ZNF746: variants seen among roughly 807,000 people sequenced by gnomAD.
The protein encoded by ZNF746 is parkin-interacting substrate.
A neutral mutation model predicts 41.0 loss-of-function variants in ZNF746; 13 were observed. The observed-to-expected ratio is 0.32, with a 90% CI of 0.21 to 0.50. The LOEUF is 0.50. Ranked by LOEUF, ZNF746 falls within the 20% of genes least tolerant of loss-of-function variation. ZNF746 has a pLI of 0.98. For missense variants in ZNF746, 811 were observed against 922.9 expected, an observed-to-expected ratio of 0.88 and a Z score of 1.57; for synonymous variants, 424 against 396.2, an observed-to-expected ratio of 1.07 and a Z score of -0.83.
At chr7:149,476,661 A>C (rs10266573) in intron 6 of ZNF746, among the ~76,000 whole-genome samples, 103,675 of 152,014 alleles carry the variant, frequency 0.68, 36,018 homozygotes, top group East Asian at 0.8. Context: ...TTCAAGAGAT[A>C]GGCTTGTTAG....
At chr7:149,477,472 GCCCACAGCTCCCCCAT>G in intron 5 of ZNF746, 76 bp downstream of exon 5, 1 of 1,394,750 alleles carries the variant, frequency 7.2e-7, no homozygotes, top group Non-Finnish European at 9.8e-7. Flanking sequence ...AGTGTTGAGG[GCCCACAGCTCCCCCAT>G]GCTGCCACGA....
At chr7:149,483,613 A>T (rs559490870) in intron 4 of ZNF746, among the ~76,000 whole-genome samples, 31 of 147,302 alleles carry the variant, frequency 2.1e-4, no homozygotes, top group Non-Finnish European at 3.0e-4. Flanking sequence ...GTAAAAAAAT[A>T]AAAAAAAAAA....
rs1800226155 is a variant in ZNF746, at chr7:149,474,762, G to A, written c.1605C>T (p.Phe535=). The A allele has an allele frequency of 1.3e-6, 2 of 1,585,492 alleles. No individual in the cohort carries two copies. Among genetic ancestry groups the A allele is most frequent in the South Asian group, 1.1e-5 (1 of 88,422 alleles). The part of the protein sequence containing the change: ...ALRCGECGRC[F]TRPAHLIRHR... ...GGCGGATGAGGTGCGCGGGGCGCGTGAAGCAACGGCCGCACTCCCCACACC... is the reference window on the plus strand; with the variant it reads ...GGCGGATGAGGTGCGCGGGGCGCGTAAAGCAACGGCCGCACTCCCCACACC... The change falls in exon 7 of 7, where the codon TTC becomes TTT. Residue 535 remains phenylalanine (F), a synonymous_variant. Transcript: ENST00000458143. The surrounding 1 kb of genome is among the most constrained non-coding windows in gnomAD (Gnocchi z 6.3).
At chr7:149,496,128 A>G (rs1041350625) in intron 1 of ZNF746, among the ~76,000 whole-genome samples, 2 of 152,128 alleles carry the variant, frequency 1.3e-5, no homozygotes, top group African/African-American at 4.8e-5. Flanking sequence ...AATCCTACCC[A>G]TCCTCCACGT....
chr7:149,494,576 G>C lies in ZNF746; in HGVS notation c.25-73C>G, dbSNP rs1220108877. On this transcript the variant is annotated intron_variant, in intron 1 of 6. Coordinates refer to ENST00000458143, the MANE Select transcript of ZNF746 (RefSeq NM_001394198.1). This position sits in a 1 kb window ranked among gnomAD's most constrained non-coding sequence, Gnocchi z 5.6. Reference sequence around the variant, plus strand: ...CTTCATTGAGCCCCTCTCTCCCTAGGCACGGGGGAGTTGGGCTGGGAGTCC... The same window carrying C: ...CTTCATTGAGCCCCTCTCTCCCTAGCCACGGGGGAGTTGGGCTGGGAGTCC... The C allele has an allele frequency of 1.9e-6, 3 of 1,565,076 alleles. No homozygotes were observed. Among genetic ancestry groups the C allele is most frequent in the African/African-American group, 1.4e-5 (1 of 73,830 alleles).
At position 149,475,121 on chromosome 7, in the gene ZNF746, G is replaced by A; in HGVS notation, c.1246C>T (p.Leu416Phe). 9.9e-6 allele frequency: 16 copies of A among 1,611,522 alleles called. No homozygotes were observed. The highest frequency in any genetic ancestry group is 1.3e-5 in the Non-Finnish European group (15 of 1,179,496). Residue 416 changes from leucine (L) to phenylalanine (F), a missense_variant, in exon 7 of 7, where the codon CTT (leucine) becomes TTT (phenylalanine). By Grantham distance (22) the Leu-to-Phe change is conservative. Transcript: ENST00000458143. ...CCGTTGTCCGGGGAGGAGTAAGGAA[G>A]CCCCTCGGGCCCCGTCCTCGGGTTC... ...GLNPRTGPEG[L>F]PYSSPDNGEA...
chr7:149,491,893 T>C (rs1403148393), intron 4 of ZNF746: 4 of 701,384 alleles, frequency 5.7e-6, no homozygotes, highest in Non-Finnish European at 1.0e-5. Context: ...TGTGTCCACC[T>C]GTCCTTCCCT....
intron 4 of ZNF746, among the ~76,000 whole-genome samples, chr7:149,482,855 T>C (rs1800521583): frequency 1.3e-5 from 2 of 152,214 alleles, no homozygotes; most frequent in Admixed American, 1.3e-4. Flanking sequence ...AAATCCATCT[T>C]TACAGTAGGG....
chr7:149,478,395 C>G (rs1800382857), intron 4 of ZNF746, among the ~76,000 whole-genome samples: 1 of 152,200 alleles, frequency 6.6e-6, no homozygotes, highest in Admixed American at 6.5e-5. Flanking sequence ...CAGGAAGCAG[C>G]CTACTTGTCC....
At chr7:149,486,260 A>G (rs903474854) in intron 4 of ZNF746, among the ~76,000 whole-genome samples, 1 of 152,136 alleles carries the variant, frequency 6.6e-6, no homozygotes, top group African/African-American at 2.4e-5. Flanking sequence ...TGGAACCCCC[A>G]GGCCCTCCTG....
chr7:149,481,045 A>G lies in ZNF746; in HGVS notation c.566-3290T>C, dbSNP rs908255347. 7.9e-5 allele frequency among the ~76,000 whole-genome samples: 12 copies of G among 152,356 alleles called. No homozygotes were observed. The South Asian group carries it at 1.2e-3, about 16-fold the overall frequency. On this transcript the variant is annotated intron_variant, in intron 4 of 6. Coordinates refer to ENST00000458143, the MANE Select transcript of ZNF746 (RefSeq NM_001394198.1). ...ATCCACATCTAGACACATTGTATTA[A>G]AACTGCAGATCACCCAAGAGACCTA...
In ZNF746 at chr7:149,475,256, T is replaced by C. The variant is rs1428468889; in HGVS notation, c.1111A>G (p.Met371Val). Residue 371 changes from methionine to valine, a missense_variant, in exon 7 of 7, where the codon ATG (methionine) becomes GTG (valine). Met to Val is a conservative substitution (Grantham distance 21). Coordinates refer to ENST00000458143, the MANE Select transcript of ZNF746 (RefSeq NM_001394198.1). ...GCCACAGCAGGACTGAGCTCACCCATGTCCCTCTCAGGCCGGGCGGGCTCT... is the reference window on the plus strand; with the variant it reads ...GCCACAGCAGGACTGAGCTCACCCACGTCCCTCTCAGGCCGGGCGGGCTCT... ...LREPARPERDMGELSPAVAQE... is the reference protein window; with the variant it reads ...LREPARPERDVGELSPAVAQE... 3 of 1,613,088 alleles carry C rather than the reference T, an allele frequency of 1.9e-6. No homozygotes were observed. Among genetic ancestry groups the C allele is most frequent in the African/African-American group, 2.7e-5 (2 of 74,876 alleles).
At chr7:149,475,794 G>A (rs1800280480) in intron 6 of ZNF746, among the ~76,000 whole-genome samples, 1 of 152,174 alleles carries the variant, frequency 6.6e-6, no homozygotes, top group East Asian at 1.9e-4. Flanking sequence ...ACTGCTGCAG[G>A]CACTGTGCCC....
In ZNF746 at chr7:149,473,878, C is replaced by T. The variant is rs1800183932; in HGVS notation, c.*506G>A. 6.0e-6 allele frequency: 1 copy of T among 166,544 alleles called. No individual in the cohort carries two copies. Among genetic ancestry groups the T allele is most frequent in the African/African-American group, 2.4e-5 (1 of 41,518 alleles). 10.3% of individuals were successfully genotyped at this position (166,544 alleles called of 1,614,324 possible). On this transcript the variant is annotated 3_prime_UTR_variant, in exon 7 of 7. Transcript: ENST00000458143. ...GTGTGCTCCAAGGGACCCAATGGCCCTCACTGCCCAGGGGCTTGGTGCGCT... is the reference window on the plus strand; with the variant it reads ...GTGTGCTCCAAGGGACCCAATGGCCTTCACTGCCCAGGGGCTTGGTGCGCT...
At chr7:149,495,580 G>T (rs767324221) in intron 1 of ZNF746, among the ~76,000 whole-genome samples, 2 of 152,218 alleles carry the variant, frequency 1.3e-5, no homozygotes, top group Non-Finnish European at 2.9e-5. Context: ...ATCGGGACCT[G>T]AGGATCAACG....
Position 149,494,447 on chromosome 7 carries a change from C to A in ZNF746, c.81G>T (p.Ser27=), listed in dbSNP as rs1411295324. The change falls in exon 2 of 7, where the codon TCG becomes TCT. Residue 27 remains serine, a synonymous_variant. Coordinates refer to ENST00000458143, the MANE Select transcript of ZNF746 (RefSeq NM_001394198.1). This position sits in a 1 kb window ranked among gnomAD's most constrained non-coding sequence, Gnocchi z 5.6. ...CTAGGGAAAGCAGGCGAGCAGCCTG[C>A]GATTCAATCTTCCTCTCCATGGCCT... ...TIQAMERKIE[S]QAARLLSLEG... is the part of the protein sequence containing the mutation. 2.5e-6 allele frequency: 4 copies of A among 1,613,992 alleles called. No individual in the cohort carries two copies. The highest frequency in any genetic ancestry group is 3.4e-6 in the Non-Finnish European group (4 of 1,179,880).
At chr7:149,477,131 C>T (rs1800331504) in intron 5 of ZNF746, 84 bp from the exon 6 acceptor site, 1 of 1,471,126 alleles carries the variant, frequency 6.8e-7, no homozygotes, top group Non-Finnish European at 9.0e-7. Flanking sequence ...GCAGGCTAAA[C>T]TCTGAGGTCC....
At position 149,474,447 on chromosome 7, in the gene ZNF746, G is replaced by T. The variant is rs767218258; in HGVS notation, c.1920C>A (p.Asp640Glu). 1 of 1,611,654 alleles carries T rather than the reference G, an allele frequency of 6.2e-7. No individual in the cohort carries two copies. The highest frequency in any genetic ancestry group is 1.7e-5 in the Admixed American group (1 of 59,734). Residue 640 changes from aspartate to glutamate, a missense_variant, in exon 7 of 7, where the codon GAC becomes GAA. Asp to Glu is a conservative substitution (Grantham distance 45). Transcript: ENST00000458143. The surrounding 1 kb of genome is among the most constrained non-coding windows in gnomAD (Gnocchi z 6.3). ...PASKGPLASTDLVTDWTCGLS... is the reference protein window; with the variant it reads ...PASKGPLASTELVTDWTCGLS... ...GGCCACAAGTCCAGTCGGTCACAAG[G>T]TCTGTGGAGGCCAAAGGTCCTTTGG...
rs1801062520 is a variant in ZNF746 at position 149,497,723 on chromosome 7, G to A, written c.-187C>T. On this transcript the variant is annotated 5_prime_UTR_variant, in exon 1 of 7. Coordinates refer to ENST00000458143, the MANE Select transcript of ZNF746 (RefSeq NM_001394198.1). The surrounding 1 kb of genome is among the most constrained non-coding windows in gnomAD (Gnocchi z 4.2). ...AGTCGCGCCGCCTCCGTCAGCGCCC[G>A]GCCGGTCCACACTGCATCCTGGGAG... The A allele has an allele frequency of 4.1e-6, 1 of 246,490 alleles. No homozygotes were observed. Among genetic ancestry groups the A allele is most frequent in the Non-Finnish European group, 6.5e-6 (1 of 153,256 alleles). The allele number at this position is 246,490 out of a possible 1,614,324, so 15.3% of individuals were successfully genotyped here.
Sources: allele counts gnomAD v4.1 joint callset (sites outside exome capture counted in the v4.1 genomes callset), GRCh38; gene constraint gnomAD v4.1.1; non-coding constraint Gnocchi (gnomAD v3.1); transcripts MANE v1.5; gene names NCBI Gene and HGNC (gene_info 2026-07-23, HGNC 2026-07-21).